ZCCHC10: variants seen among roughly 807,000 people sequenced by gnomAD.
ZCCHC10 encodes zinc finger CCHC-type containing 10.
Under a neutral mutation model 19.5 loss-of-function variants are expected in ZCCHC10, and 16 were observed. The observed-to-expected ratio is 0.82, with a 90% CI of 0.56 to 1.25. ZCCHC10 has a LOEUF of 1.25. Among genes scored for constraint, ZCCHC10 ranks in the 50% most tolerant of loss-of-function variants. The pLI, the probability that ZCCHC10 is intolerant of heterozygous loss-of-function variation, is 0.00. For missense variants in ZCCHC10, 197 were observed against 201.0 expected (o/e 0.98, Z 0.12); for synonymous variants, 67 against 72.5 (o/e 0.92, Z 0.38).
chr5:133,001,953 CTTTTTTTTTTT>C (rs34331639), intron 3 of ZCCHC10, among the ~76,000 whole-genome samples: 66 of 77,876 alleles, frequency 8.5e-4, no homozygotes, highest in Non-Finnish European at 1.2e-3. Context: ...ATTCAGCAAT[CTTTTTTTTTTT>C]TTTTTTTTTT....
chr5:133,026,481 C>A lies in ZCCHC10; in HGVS notation c.41+16G>T, dbSNP rs1443777792. The A allele has an allele frequency of 6.2e-7, 1 of 1,613,234 alleles. No homozygotes were observed. The highest frequency in any genetic ancestry group is 8.5e-7 in the Non-Finnish European group (1 of 1,179,786). ...CTCCCAGCCCTCCAGTGGACCCGAA[C>A]CGGATCCTTACTTACGCTTGTCTCC... On this transcript the variant is annotated intron_variant, in intron 1 of 4. Coordinates refer to ENST00000509437, the MANE Select transcript of ZCCHC10 (RefSeq NM_001300816.3).
intron 3 of ZCCHC10, among the ~76,000 whole-genome samples, chr5:133,004,966 A>G (rs1247090398): frequency 6.6e-6 from 1 of 152,176 alleles, no homozygotes; most frequent in Non-Finnish European, 1.5e-5. Context: ...CAATTCAATT[A>G]GGTCATCTTC....
Position 132,998,777 on chromosome 5 carries a change from C to G in ZCCHC10, c.385G>C (p.Glu129Gln). The change falls in exon 5 of 5, where the codon GAA becomes CAA. Residue 129 changes from glutamate to glutamine, a missense_variant. By Grantham distance (29) the Glu-to-Gln change is conservative (BLOSUM62 2). Transcript: ENST00000509437. Reference protein sequence around the residue: ...SASDSSSESEETSTSSSSEDS... With the variant: ...SASDSSSESEQTSTSSSSEDS... Reference sequence around the variant, plus strand: ...TCTGAGGAGGAAGAGGTAGATGTTTCTTCACTCTCTGATGAAGAATCACTG... The same window carrying G: ...TCTGAGGAGGAAGAGGTAGATGTTTGTTCACTCTCTGATGAAGAATCACTG... 1 of 1,614,122 alleles carries G rather than the reference C, an allele frequency of 6.2e-7. No individual in the cohort carries two copies. Among genetic ancestry groups the G allele is most frequent in the Non-Finnish European group, 8.5e-7 (1 of 1,180,040 alleles).
At chr5:133,007,008 T>C (rs1224126386) in intron 2 of ZCCHC10, 88 bp from the exon 3 acceptor site, 2 of 1,266,714 alleles carry the variant, frequency 1.6e-6, no homozygotes, top group Non-Finnish European at 2.1e-6. Flanking sequence ...AAGGATAAAA[T>C]TATGTTTACT....
intron 1 of ZCCHC10, 91 bp downstream of exon 1, chr5:133,026,406 G>A (rs1764717620): frequency 6.5e-7 from 1 of 1,528,582 alleles, no homozygotes. Context: ...GACATTCTCC[G>A]CCGGTCCCAA....
At chr5:133,026,451 C>T (rs369219657) in intron 1 of ZCCHC10, 46 bp downstream of exon 1, 11 of 1,608,382 alleles carry the variant, frequency 6.8e-6, no homozygotes, top group Non-Finnish European at 9.3e-6. Flanking sequence ...ACGCGCGTTT[C>T]CCCGCTCCCA....
chr5:133,023,771 C>A (rs1285465550), intron 1 of ZCCHC10, among the ~76,000 whole-genome samples: 22 of 144,832 alleles, frequency 1.5e-4, no homozygotes, highest in South Asian at 2.2e-4. Flanking sequence ...AACTCCATCT[C>A]AAAAAAAAAA....
intron 1 of ZCCHC10, 21 bp downstream of exon 1, chr5:133,026,476 C>G (rs757960982): frequency 1.1e-4 from 185 of 1,612,888 alleles, no homozygotes; most frequent in Non-Finnish European, 1.5e-4. Flanking sequence ...TCCAGTGGAC[C>G]CGAACCGGAT....
intron 2 of ZCCHC10, among the ~76,000 whole-genome samples, chr5:133,013,430 T>C (rs937444915): frequency 3.3e-5 from 5 of 151,816 alleles, no homozygotes; most frequent in Admixed American, 1.3e-4. Flanking sequence ...AGCAAAGATA[T>C]GTAGCAAAAG....
chr5:133,003,439 C>T (rs1166006225), intron 3 of ZCCHC10: 2 of 225,812 alleles, frequency 8.9e-6, no homozygotes, highest in Non-Finnish European at 1.8e-5. Context: ...TTCCACTTAA[C>T]AGGAAATATT....
At chr5:133,013,432 T>C (rs900053737) in intron 2 of ZCCHC10, among the ~76,000 whole-genome samples, 8 of 151,884 alleles carry the variant, frequency 5.3e-5, no homozygotes, top group African/African-American at 1.5e-4. Context: ...CAAAGATATG[T>C]AGCAAAAGAG....
chr5:133,026,513 T>C lies in ZCCHC10; in HGVS notation c.25A>G (p.Ile9Val), dbSNP rs758239679. The change falls in exon 1 of 5, where the codon ATA becomes GTA. Residue 9 changes from isoleucine to valine, a missense_variant. Coordinates refer to ENST00000509437, the MANE Select transcript of ZCCHC10 (RefSeq NM_001300816.3). ...CTTACTTACGCTTGTCTCCGGGCTA[T>C]TAGCCGATGCATGGGAGTCGCCATC... MATPMHRL[I>V]ARRQAFDTEL... The C allele has an allele frequency of 2.0e-5, 32 of 1,613,694 alleles. No individual in the cohort carries two copies. The highest frequency in any genetic ancestry group is 1.7e-4 in the Admixed American group (10 of 59,958).
At chr5:133,007,745 C>A (rs1480690171) in intron 2 of ZCCHC10, among the ~76,000 whole-genome samples, 1 of 152,042 alleles carries the variant, frequency 6.6e-6, no homozygotes, top group Non-Finnish European at 1.5e-5. Flanking sequence ...TCTTTATCAG[C>A]AGTGTGAAAA....
At chr5:133,014,349 A>AG (rs534521609) in intron 2 of ZCCHC10, among the ~76,000 whole-genome samples, 118 of 151,880 alleles carry the variant, frequency 7.8e-4, no homozygotes, top group Non-Finnish European at 1.3e-3. Flanking sequence ...TTTTTAGTAA[A>AG]GGGGGGGTTT....
chr5:133,018,378 G>A (rs944577843), intron 2 of ZCCHC10, among the ~76,000 whole-genome samples: 2 of 151,458 alleles, frequency 1.3e-5, no homozygotes, highest in Admixed American at 1.3e-4. Flanking sequence ...AAACTCCTGG[G>A]CTGAAGCAAT....
Position 133,006,303 on chromosome 5 carries a change from CTTAA to C in ZCCHC10, c.269+452_269+455del, listed in dbSNP as rs777916717. ...GCATATTATATATTCTGTTCTCTACCTTAATTAATATACCTGGTACTTCTTGGAT... is the reference window on the plus strand; with the variant it reads ...GCATATTATATATTCTGTTCTCTACCTTAATATACCTGGTACTTCTTGGAT... On this transcript the variant is annotated intron_variant, in intron 3 of 4. Transcript: ENST00000509437. Among the ~76,000 whole-genome samples, 5 of 152,170 alleles carry C rather than the reference CTTAA, an allele frequency of 3.3e-5. No individual in the cohort carries two copies. The East Asian group carries it at 7.7e-4, about 23-fold the overall frequency.
At position 133,015,298 on chromosome 5, in the gene ZCCHC10, C is replaced by T. The variant is rs376861095; in HGVS notation, c.107+7543G>A. 1.4e-4 allele frequency among the ~76,000 whole-genome samples: 21 copies of T among 152,070 alleles called. No homozygotes were observed. The South Asian group carries it at 2.9e-3, about 21-fold the overall frequency. The stretch of plus-strand genomic sequence containing the variant: ...TTCACCATGTTGGCCAGGATGGTCT[C>T]GAACTCCTAACCTCAAGTGATCTGG... On this transcript the variant is annotated intron_variant, in intron 2 of 4. Coordinates refer to ENST00000509437, the MANE Select transcript of ZCCHC10 (RefSeq NM_001300816.3).
intron 3 of ZCCHC10, among the ~76,000 whole-genome samples, chr5:133,001,406 A>G (rs1040675939): frequency 1.3e-5 from 2 of 151,908 alleles, no homozygotes; most frequent in African/African-American, 4.8e-5. Flanking sequence ...AAAAACAACA[A>G]CAACAACAAC....
At chr5:133,019,003 G>C (rs954217432) in intron 2 of ZCCHC10, 1 of 427,998 alleles carries the variant, frequency 2.3e-6, no homozygotes, top group Admixed American at 2.7e-5. Flanking sequence ...TGGTAGCTTG[G>C]GACCCTAGTC....
Sources: allele counts gnomAD v4.1 joint callset (sites outside exome capture counted in the v4.1 genomes callset), GRCh38; gene constraint gnomAD v4.1.1; transcripts MANE v1.5; gene names NCBI Gene and HGNC (gene_info 2026-07-23, HGNC 2026-07-21).